The following SPRY3 variants were observed in gnomAD, a reference collection of about 807,000 sequenced individuals.
SPRY3 encodes the protein sprouty RTK signaling antagonist 3.
SPRY3 carries 15 observed loss-of-function variants against 20.2 expected under a neutral mutation model. The ratio of observed to expected loss-of-function variants is 0.74; its 90% CI spans 0.50 to 1.14. SPRY3 has a LOEUF of 1.14. Ranked by LOEUF, SPRY3 falls within the 50% of genes most tolerant of loss-of-function variation. The pLI is 0.00. For missense variants in SPRY3, 364 were observed against 363.9 expected (o/e 1.00, Z 0.00); for synonymous variants, 143 against 136.5 (o/e 1.05, Z -0.33).
chrX:155,616,100 G>GTCTCTCTCTCTCTCTCTCTC (rs781921618), intron 1 of SPRY3, among the ~76,000 whole-genome samples: 27 of 42,880 alleles, frequency 6.3e-4, no homozygotes, highest in African/African-American at 1.5e-3. Flanking sequence ...TTTATCTGGG[G>GTCTCTCTCTCTCTCTCTCTC]TCTCTCTCTC....
intron 1 of SPRY3, among the ~76,000 whole-genome samples, chrX:155,652,680 A>G (rs1001527774): frequency 8.9e-6 from 1 of 112,042 alleles, no homozygotes; most frequent in Non-Finnish European, 1.9e-5. Flanking sequence ...TAGTGTTTCT[A>G]TGAACATTTG....
intron 1 of SPRY3, among the ~76,000 whole-genome samples, chrX:155,653,832 C>T (rs1193191585): frequency 1.8e-4 from 20 of 111,639 alleles, no homozygotes; most frequent in Non-Finnish European, 3.0e-4. Context: ...AACTGTTTTT[C>T]CTACTCTCAT....
intron 2 of SPRY3, among the ~76,000 whole-genome samples, chrX:155,739,778 C>T (rs1247961090): frequency 6.6e-6 from 1 of 152,080 alleles, no homozygotes; most frequent in Non-Finnish European, 1.5e-5. Flanking sequence ...GCAACAGCAA[C>T]AACAACAAAA....
At chrX:155,640,588 C>T (rs1215126196) in intron 1 of SPRY3, among the ~76,000 whole-genome samples, 1 of 111,297 alleles carries the variant, frequency 9.0e-6, no homozygotes, top group African/African-American at 3.3e-5. Context: ...ATTTTTGTGT[C>T]CTCTTAAATT....
At chrX:155,642,104 G>T (rs996578950) in intron 1 of SPRY3, among the ~76,000 whole-genome samples, 5 of 111,296 alleles carry the variant, frequency 4.5e-5, no homozygotes, top group African/African-American at 1.6e-4. Flanking sequence ...GTCTGGTTTT[G>T]ATATCAAGGT....
At chrX:155,719,687 C>T (rs2091044003) in intron 2 of SPRY3, among the ~76,000 whole-genome samples, 1 of 152,024 alleles carries the variant, frequency 6.6e-6, no homozygotes, top group South Asian at 2.1e-4. Context: ...TTTTCAGGGC[C>T]TAGCTCCCAG....
intron 1 of SPRY3, among the ~76,000 whole-genome samples, chrX:155,615,654 TA>T (rs2067848896): frequency 8.9e-6 from 1 of 111,922 alleles, no homozygotes; most frequent in South Asian, 3.7e-4. Context: ...AAATAAATGC[TA>T]AAACTTTTCA....
At chrX:155,739,576 G>A (rs1205013976) in intron 2 of SPRY3, among the ~76,000 whole-genome samples, 16 of 152,224 alleles carry the variant, frequency 1.1e-4, no homozygotes, top group African/African-American at 1.7e-4. Flanking sequence ...GCATCAGGTC[G>A]GTGACCACTG....
chrX:155,712,855 T>G (rs2090996459), intron 2 of SPRY3, among the ~76,000 whole-genome samples: 1 of 151,984 alleles, frequency 6.6e-6, no homozygotes, highest in South Asian at 2.1e-4. Context: ...TTTTTCAATT[T>G]GAGGTTACCA....
rs2091196655 is a variant in SPRY3 at position 155,740,215 on chromosome X, T to A, written c.-281-27747T>A. 2.0e-5 allele frequency among the ~76,000 whole-genome samples: 3 copies of A among 152,326 alleles called. No homozygotes were observed. In the South Asian group the frequency reaches 6.2e-4, roughly 32 times the overall value. ...AGGATGTATGTCACCTCAGGACCACTATTGTGTTAACTGTACAAATTGATT... is the reference window on the plus strand; with the variant it reads ...AGGATGTATGTCACCTCAGGACCACAATTGTGTTAACTGTACAAATTGATT... On this transcript the variant is annotated intron_variant, in intron 2 of 3. Transcript: ENST00000675360.
chrX:155,747,197 C>A (rs896336826), intron 2 of SPRY3, among the ~76,000 whole-genome samples: 2 of 151,848 alleles, frequency 1.3e-5, no homozygotes, highest in Non-Finnish European at 1.5e-5. Flanking sequence ...TTGGAAGGGG[C>A]CCTAGAGCTT....
rs1216785161 is a variant in SPRY3 at position 155,717,798 on chromosome X, T to C, written c.-281-50164T>C. Among the ~76,000 whole-genome samples the C allele has an allele frequency of 2.0e-5, 3 of 152,170 alleles. No homozygotes were observed. In the East Asian group the frequency reaches 5.8e-4, roughly 29 times the overall value. On this transcript the variant is annotated intron_variant, in intron 2 of 3. Coordinates refer to ENST00000675360, the Ensembl canonical transcript of SPRY3. ...TAAGTGCCACATTTTCTTTATCCAGTCTATCATTGATGGGCATTTGGGTCG... is the reference window on the plus strand; with the variant it reads ...TAAGTGCCACATTTTCTTTATCCAGCCTATCATTGATGGGCATTTGGGTCG...
chrX:155,693,374 T>C (rs773623882), intron 2 of SPRY3, among the ~76,000 whole-genome samples: 1 of 112,168 alleles, frequency 8.9e-6, no homozygotes, highest in East Asian at 2.8e-4. Context: ...TTATATTTAT[T>C]GAAACTTGTT....
At chrX:155,772,710 G>A (rs1282856411) in intron 3 of SPRY3, among the ~76,000 whole-genome samples, 2 of 151,656 alleles carry the variant, frequency 1.3e-5, no homozygotes, top group African/African-American at 2.4e-5. Flanking sequence ...AATCCTTCAG[G>A]GAATGACCAA....
Position 155,732,461 on chromosome X carries a change from A to G in SPRY3, c.-281-35501A>G, listed in dbSNP as rs1602973516. Among the ~76,000 whole-genome samples the G allele has an allele frequency of 2.0e-5, 3 of 152,200 alleles. No homozygotes were observed. In the South Asian group the frequency reaches 6.2e-4, roughly 32 times the overall value. On this transcript the variant is annotated intron_variant, in intron 2 of 3. Transcript: ENST00000675360. ...AATCAAAACTACAATGAGATATCTC[A>G]GCCCAGTTAAAATTGATTTTATCCA...
chrX:155,749,336 C>T (rs1301655050), intron 2 of SPRY3, among the ~76,000 whole-genome samples: 1 of 151,590 alleles, frequency 6.6e-6, no homozygotes, highest in Non-Finnish European at 1.5e-5. Context: ...AGGAAATAAA[C>T]ATATGATTGA....
intron 1 of SPRY3, among the ~76,000 whole-genome samples, chrX:155,631,722 T>C (rs782732572): frequency 8.9e-6 from 1 of 112,373 alleles, no homozygotes; most frequent in South Asian, 3.6e-4. Flanking sequence ...ATTCTCTCTA[T>C]TGCATTTTTT....
At chrX:155,674,998 C>A (rs1300088974) in intron 2 of SPRY3, among the ~76,000 whole-genome samples, 3 of 111,734 alleles carry the variant, frequency 2.7e-5, no homozygotes, top group Non-Finnish European at 5.6e-5. Context: ...ATCCAGTAAG[C>A]AGAAATGTTT....
intron 2 of SPRY3, among the ~76,000 whole-genome samples, chrX:155,761,893 G>A (rs1415870335): frequency 6.6e-6 from 1 of 151,830 alleles, no homozygotes; most frequent in Non-Finnish European, 1.5e-5. Context: ...TGGTAACACA[G>A]TCCTTTTCAC....
Sources: gnomAD v4.1 joint callset for allele counts (sites outside exome capture counted in the v4.1 genomes callset) on GRCh38, gnomAD v4.1.1 for gene constraint, MANE v1.5 for transcripts, NCBI Gene and HGNC (gene_info 2026-07-23, HGNC 2026-07-21) for gene names.